The following SDHA variants were observed in gnomAD, a reference collection of about 807,000 sequenced individuals.
SDHA encodes the protein succinate dehydrogenase complex flavoprotein subunit A, also known as succinate dehydrogenase [ubiquinone] flavoprotein subunit, mitochondrial.
SDHA carries 48 observed loss-of-function variants against 78.4 expected under a neutral mutation model. The observed-to-expected ratio is 0.61, with a 90% CI of 0.49 to 0.78. The LOEUF is 0.78. Ranked by LOEUF, SDHA falls within the 30% of genes least tolerant of loss-of-function variation. The pLI is 0.00. For synonymous variants in SDHA, 326 were observed against 353.9 expected (o/e 0.92, Z 0.88); for missense variants, 680 against 892.7 (o/e 0.76, Z 3.04).
At chr5:225,774 G>T in intron 4 of SDHA, 109 bp from the exon 5 acceptor site, 1 of 1,449,640 alleles carries the variant, frequency 6.9e-7, no homozygotes, top group Admixed American at 1.7e-5. Flanking sequence ...CATAAAATAG[G>T]TTACTTTGGG....
the SDHA span, among the ~76,000 whole-genome samples, chr5:262,202 CCG>C: frequency 8.1e-6 from 1 of 122,928 alleles, no homozygotes. Context: ...CAGAGCATTA[CCG>C]TGTGAGCTCC....
intron 13 of SDHA, among the ~76,000 whole-genome samples, chr5:253,911 T>C (rs1737013355): frequency 6.6e-6 from 1 of 152,070 alleles, no homozygotes; most frequent in Non-Finnish European, 1.5e-5. Flanking sequence ...ACATAAAAAA[T>C]GAGCCAGGTG....
chr5:255,813 C>T (rs1280737208), intron 14 of SDHA, among the ~76,000 whole-genome samples: 1 of 152,188 alleles, frequency 6.6e-6, no homozygotes, highest in African/African-American at 2.4e-5. Flanking sequence ...CCAGAGACGA[C>T]CCATTATGGT....
At chr5:246,780 T>C (rs891938025) in intron 11 of SDHA, among the ~76,000 whole-genome samples, 3 of 152,270 alleles carry the variant, frequency 2.0e-5, no homozygotes, top group African/African-American at 7.2e-5. Flanking sequence ...TTCCACATAC[T>C]AATTCATGGA....
intron 14 of SDHA, 49 bp downstream of exon 14, chr5:254,555 G>C (rs945279615): frequency 1.8e-4 from 276 of 1,507,496 alleles, no homozygotes; most frequent in Middle Eastern, 4.7e-4. Context: ...ACACGGCCCC[G>C]CCCAGGCCTG....
intron 14 of SDHA, among the ~76,000 whole-genome samples, chr5:255,954 A>AT: frequency 6.6e-6 from 1 of 152,282 alleles, no homozygotes; most frequent in South Asian, 2.1e-4. Context: ...ACTTTGGAAT[A>AT]TTTGCATTAT....
chr5:230,607 C>CA (rs1256634220), intron 6 of SDHA, among the ~76,000 whole-genome samples: 1 of 151,898 alleles, frequency 6.6e-6, no homozygotes, highest in Admixed American at 6.5e-5. Flanking sequence ...GCCTGGTCAA[C>CA]AGAGTTAGAT....
chr5:222,097 A>G (rs573934285), intron 1 of SDHA, among the ~76,000 whole-genome samples: 17 of 152,342 alleles, frequency 1.1e-4, no homozygotes, highest in African/African-American at 4.1e-4. Context: ...TTCTTAAAAT[A>G]TGATTTTACC....
At position 225,553 on chromosome 5, in the gene SDHA, C is replaced by A; in HGVS notation, c.447C>A (p.Ala149=). 7 of 1,613,868 alleles carry A rather than the reference C, an allele frequency of 4.3e-6. No homozygotes were observed. Among genetic ancestry groups the A allele is most frequent in the Non-Finnish European group, 5.1e-6 (6 of 1,179,846 alleles). The part of the protein sequence containing the change: ...IHYMTEQAPA[A]VVELENYGMP... The stretch of plus-strand genomic sequence containing the variant: ...ACATGACGGAGCAGGCCCCCGCCGC[C>A]GTGGTCGAGGTGATGGGCGGGAGGC... The change falls in exon 4 of 15, where the codon GCC becomes GCA. Residue 149 remains alanine, a synonymous_variant. Coordinates refer to ENST00000264932, the MANE Select transcript of SDHA (RefSeq NM_004168.4).
chr5:256,127 G>A (rs1737163734), intron 14 of SDHA, among the ~76,000 whole-genome samples: 1 of 152,224 alleles, frequency 6.6e-6, no homozygotes, highest in African/African-American at 2.4e-5. Context: ...AGAAAAACTG[G>A]AAGTAGATGG....
intron 13 of SDHA, chr5:251,700 C>T (rs1389345698): frequency 3.4e-6 from 5 of 1,477,006 alleles, no homozygotes; most frequent in African/African-American, 1.4e-5. Context: ...GTGGCATCTC[C>T]AAGCCAATGT....
rs147043559 is a variant in SDHA at position 255,990 on chromosome 5, G to A, written c.1909-344G>A. Among the ~76,000 whole-genome samples the A allele has an allele frequency of 4.2e-3, 642 of 152,236 alleles. 3 individuals carry two copies. The highest frequency in any genetic ancestry group is 4.9e-3 in the Admixed American group (75 of 15,286). ...ACTTACTGTCTGAGCATCCCTAATC[G>A]GAAGATCTGACTCCATAGCACATTT... On this transcript the variant is annotated intron_variant, in intron 14 of 14. Transcript: ENST00000264932.
chr5:230,416 C>T (rs1315437116), intron 6 of SDHA, among the ~76,000 whole-genome samples: 2 of 152,130 alleles, frequency 1.3e-5, no homozygotes, highest in Non-Finnish European at 2.9e-5. Context: ...CACTTGAGGT[C>T]AGGAGTTCGA....
At chr5:250,455 A>G (rs1475761936) in intron 11 of SDHA, 5 of 206,338 alleles carry the variant, frequency 2.4e-5, no homozygotes, top group Admixed American at 1.1e-4. Flanking sequence ...AGCTTCTACA[A>G]GATAGGCAGA....
intron 11 of SDHA, among the ~76,000 whole-genome samples, chr5:247,923 A>G (rs1736564411): frequency 6.6e-6 from 1 of 152,244 alleles, no homozygotes; most frequent in African/African-American, 2.4e-5. Flanking sequence ...TCTTTCCCTG[A>G]AACAGCAGCT....
intron 1 of SDHA, among the ~76,000 whole-genome samples, chr5:218,998 GC>G (rs1323428832): frequency 6.6e-6 from 1 of 152,224 alleles, no homozygotes; most frequent in Non-Finnish European, 1.5e-5. Flanking sequence ...CTTGCAGTTC[GC>G]CTTTCCAGAA....
At chr5:235,534 T>G in intron 9 of SDHA, 195 bp downstream of exon 9, 1 of 647,976 alleles carries the variant, frequency 1.5e-6, no homozygotes. Flanking sequence ...TCCTCCTTAG[T>G]AAATTGTCAG....
chr5:264,734 G>A, the SDHA span, among the ~76,000 whole-genome samples: 64 of 152,174 alleles, frequency 4.2e-4, no homozygotes, highest in Non-Finnish European at 7.8e-4. Context: ...TCAGAGCATC[G>A]CCAGAACGCA....
intron 1 of SDHA, among the ~76,000 whole-genome samples, chr5:220,645 A>G (rs1213867042): frequency 2.2e-5 from 3 of 136,850 alleles, no homozygotes; most frequent in African/African-American, 6.9e-5. Flanking sequence ...GGGTCTTTAG[A>G]TAGGGGGGCA....
Sources: allele counts gnomAD v4.1 joint callset (sites outside exome capture counted in the v4.1 genomes callset), GRCh38; gene constraint gnomAD v4.1.1; transcripts MANE v1.5; gene names NCBI Gene and HGNC (gene_info 2026-07-23, HGNC 2026-07-21).